The following PRKG1 variants were observed in gnomAD, a reference collection of about 807,000 sequenced individuals.
PRKG1 encodes the protein cGMP-dependent protein kinase 1.
A neutral mutation model predicts 88.1 loss-of-function variants in PRKG1; 35 were observed. That is an observed-to-expected ratio of 0.40 (90% confidence interval 0.30 to 0.53). The LOEUF is 0.53. PRKG1 is among the 20% of genes least tolerant of loss of function. The pLI, the probability that PRKG1 is intolerant of heterozygous loss-of-function variation, is 0.59. For missense variants in PRKG1, 540 were observed against 839.8 expected (o/e 0.64, Z 4.41); for synonymous variants, 303 against 292.5 (o/e 1.04, Z -0.37).
chr10:51,686,443 G>A (rs1164775918), intron 3 of PRKG1, among the ~76,000 whole-genome samples: 1 of 152,074 alleles, frequency 6.6e-6, no homozygotes, highest in Non-Finnish European at 1.5e-5. Context: ...TGGAGCTTTG[G>A]CCATTTTAAA....
intron 3 of PRKG1, among the ~76,000 whole-genome samples, chr10:51,778,853 A>G (rs1838510127): frequency 6.6e-6 from 1 of 152,200 alleles, no homozygotes. Flanking sequence ...TCAGTACTTC[A>G]GAGAGAAATC....
intron 4 of PRKG1, among the ~76,000 whole-genome samples, chr10:51,831,995 G>T (rs1436789595): frequency 6.6e-6 from 1 of 152,162 alleles, no homozygotes; most frequent in South Asian, 2.1e-4. Context: ...TTCTAAATTT[G>T]ATATAATAAG....
At chr10:51,453,799 G>T (rs894183692) in intron 2 of PRKG1, among the ~76,000 whole-genome samples, 1 of 152,016 alleles carries the variant, frequency 6.6e-6, no homozygotes, top group African/African-American at 2.4e-5. Flanking sequence ...TAAAGAGGAA[G>T]TTAAACTGTT....
chr10:51,734,016 G>T (rs182172982), intron 3 of PRKG1, among the ~76,000 whole-genome samples: 1 of 151,852 alleles, frequency 6.6e-6, no homozygotes, highest in African/African-American at 2.4e-5. Flanking sequence ...TAAACAAAAT[G>T]TTTCTATAAC....
At position 51,598,268 on chromosome 10, in the gene PRKG1, C is replaced by T. The variant is rs1438509441; in HGVS notation, c.592+130432C>T. Among the ~76,000 whole-genome samples, 3 of 152,034 alleles carry T rather than the reference C, an allele frequency of 2.0e-5. No individual in the cohort carries two copies. The East Asian group carries it at 5.8e-4, about 29-fold the overall frequency. On this transcript the variant is annotated intron_variant, in intron 3 of 17. Coordinates refer to ENST00000373980, the MANE Select transcript of PRKG1 (RefSeq NM_006258.4). ...TTCTTTTAACTTTTTTATCATGTTG[C>T]CCAAGCCTTTATTTTTTTCCTTTGA...
intron 9 of PRKG1, among the ~76,000 whole-genome samples, chr10:52,180,722 C>T (rs987466873): frequency 6.6e-6 from 1 of 152,186 alleles, no homozygotes; most frequent in Non-Finnish European, 1.5e-5. Flanking sequence ...CTTTGCCAGA[C>T]ATCGGCTTGT....
At chr10:51,279,691 G>T (rs1840237403) in intron 2 of PRKG1, among the ~76,000 whole-genome samples, 2 of 152,120 alleles carry the variant, frequency 1.3e-5, no homozygotes, top group African/African-American at 4.8e-5. Context: ...CAGAGACTAG[G>T]ATTGCAACCC....
intron 3 of PRKG1, among the ~76,000 whole-genome samples, chr10:51,536,744 C>T (rs923553869): frequency 1.3e-5 from 2 of 151,556 alleles, no homozygotes; most frequent in African/African-American, 4.9e-5. Flanking sequence ...TGGTGTGCTG[C>T]ACCCATTAAC....
chr10:51,314,260 C>T (rs935590826), intron 2 of PRKG1, among the ~76,000 whole-genome samples: 3 of 152,078 alleles, frequency 2.0e-5, no homozygotes, highest in Non-Finnish European at 4.4e-5. Flanking sequence ...TACAAACATC[C>T]CTCAGAGATG....
intron 3 of PRKG1, among the ~76,000 whole-genome samples, chr10:51,631,795 A>G (rs1839534014): frequency 6.6e-6 from 1 of 152,202 alleles, no homozygotes; most frequent in African/African-American, 2.4e-5. Context: ...AATGCCAGTG[A>G]TGGAGAGTGG....
At chr10:51,708,481 T>C (rs1296887527) in intron 3 of PRKG1, among the ~76,000 whole-genome samples, 1 of 152,202 alleles carries the variant, frequency 6.6e-6, no homozygotes, top group Non-Finnish European at 1.5e-5. Context: ...CAGAATACTC[T>C]ATTCCCATCT....
chr10:51,286,005 C>G (rs1424744928), intron 2 of PRKG1, among the ~76,000 whole-genome samples: 1 of 152,104 alleles, frequency 6.6e-6, no homozygotes, highest in African/African-American at 2.4e-5. Flanking sequence ...GAGTCTTGCT[C>G]TGTCATCCAG....
intron 2 of PRKG1, among the ~76,000 whole-genome samples, chr10:51,441,749 C>T (rs888204240): frequency 1.3e-5 from 2 of 151,970 alleles, no homozygotes; most frequent in African/African-American, 2.4e-5. Flanking sequence ...ATCATTATAA[C>T]CTTGAGTGTC....
At chr10:51,641,690 C>A (rs947164966) in intron 3 of PRKG1, among the ~76,000 whole-genome samples, 1 of 151,996 alleles carries the variant, frequency 6.6e-6, no homozygotes, top group African/African-American at 2.4e-5. Context: ...ATGACTTTTG[C>A]ACCAGTCTAA....
intron 7 of PRKG1, among the ~76,000 whole-genome samples, chr10:52,069,285 C>A (rs1248214125): frequency 6.6e-6 from 1 of 152,110 alleles, no homozygotes; most frequent in African/African-American, 2.4e-5. Context: ...AATCCCAGCA[C>A]GTTGGTAGGC....
Position 52,059,520 on chromosome 10 carries a change from G to C in PRKG1, c.841-3017G>C, listed in dbSNP as rs562150370. 5.9e-5 allele frequency among the ~76,000 whole-genome samples: 9 copies of C among 151,406 alleles called. No homozygotes were observed. The South Asian group carries it at 1.2e-3, about 21-fold the overall frequency. The stretch of plus-strand genomic sequence containing the variant: ...ATCTTAAAGGTCTAATGCTGAGTAA[G>C]AAAAAAAGGTCTGAAAAGGTTAAAT... On this transcript the variant is annotated intron_variant, in intron 6 of 17. Transcript: ENST00000373980.
intron 1 of PRKG1, among the ~76,000 whole-genome samples, chr10:51,008,271 C>T (rs113984840): frequency 4.6e-5 from 7 of 152,318 alleles, no homozygotes; most frequent in African/African-American, 1.7e-4. Context: ...TTTGCTATAA[C>T]TCCTTGAGAA....
chr10:51,698,866 C>T, intron 3 of PRKG1: 1 of 1,614,100 alleles, frequency 6.2e-7, no homozygotes, highest in Non-Finnish European at 8.5e-7. Context: ...GCTGGTTCAG[C>T]AGAACATTAG....
chr10:52,168,890 A>C (rs1006545930), intron 9 of PRKG1, among the ~76,000 whole-genome samples: 7 of 152,216 alleles, frequency 4.6e-5, no homozygotes, highest in African/African-American at 1.7e-4. Context: ...AGGTTTGGAG[A>C]GTAGGGTGAT....
Sources: allele counts gnomAD v4.1 joint callset (sites outside exome capture counted in the v4.1 genomes callset), GRCh38; gene constraint gnomAD v4.1.1; transcripts MANE v1.5; gene names NCBI Gene and HGNC (gene_info 2026-07-23, HGNC 2026-07-21).